The following RGS7BP variants were observed in gnomAD, a reference collection of about 807,000 sequenced individuals.
The protein encoded by RGS7BP is regulator of G protein signaling 7-binding protein.
In RGS7BP, 9 loss-of-function variants were observed where a neutral mutation model predicts 31.3. That is an observed-to-expected ratio of 0.29 (90% CI 0.17 to 0.50). The LOEUF (loss-of-function observed/expected upper bound fraction) is 0.50, where lower values mean the gene tolerates loss of function less well. Ranked by LOEUF, RGS7BP falls within the 20% of genes least tolerant of loss-of-function variation. The pLI is 0.98. For missense variants in RGS7BP, 274 were observed against 322.0 expected (o/e 0.85, Z 1.14); for synonymous variants, 115 against 120.1 (o/e 0.96, Z 0.28).
chr5:64,551,302 T>TCCC (rs2111836538), intron 2 of RGS7BP, among the ~76,000 whole-genome samples: 1 of 150,734 alleles, frequency 6.6e-6, no homozygotes, highest in African/African-American at 2.5e-5. Context: ...TCACTCTGTC[T>TCCC]CCCAGCCTGG....
At chr5:64,606,029 T>TGCTATATATATGTATATCTGGATAC (rs1743351639) in intron 5 of RGS7BP, among the ~76,000 whole-genome samples, 8 of 142,812 alleles carry the variant, frequency 5.6e-5, no homozygotes, top group Admixed American at 1.4e-4. Context: ...TACATATATA[T>TGCTATATATATGTATATCTGGATAC]ATATATATAT....
chr5:64,533,154 C>T (rs1439349537), intron 2 of RGS7BP, among the ~76,000 whole-genome samples: 1 of 152,152 alleles, frequency 6.6e-6, no homozygotes, highest in Non-Finnish European at 1.5e-5. Context: ...TAGGTAGTCC[C>T]TTCATTTCTT....
intron 3 of RGS7BP, 111 bp from the exon 4 acceptor site, chr5:64,594,599 G>A: frequency 1.1e-6 from 1 of 939,446 alleles, no homozygotes; most frequent in African/African-American, 1.6e-5. Context: ...TAGGGTTAAT[G>A]GAACATTTGA....
At chr5:64,534,450 T>G (rs1749454609) in intron 2 of RGS7BP, among the ~76,000 whole-genome samples, 1 of 152,164 alleles carries the variant, frequency 6.6e-6, no homozygotes, top group Non-Finnish European at 1.5e-5. Flanking sequence ...ATTCGTCCCT[T>G]GGGTAATAGT....
rs150823317 is a variant in RGS7BP, at chr5:64,568,908, G to A, written c.333-6866G>A. Among the ~76,000 whole-genome samples the A allele has an allele frequency of 1.9e-3, 283 of 145,386 alleles. 3 individuals carry two copies. Among genetic ancestry groups the A allele is most frequent in the African/African-American group, 6.8e-3 (271 of 39,834 alleles). On this transcript the variant is annotated intron_variant, in intron 2 of 5. Transcript: ENST00000334025. ...ATCAACTCTCCCAACCGGGTCATGGGAAATGGCAAAGGTGCTGGTCGAAGG... is the reference window on the plus strand; with the variant it reads ...ATCAACTCTCCCAACCGGGTCATGGAAAATGGCAAAGGTGCTGGTCGAAGG...
At chr5:64,548,465 T>C (rs544410300) in intron 2 of RGS7BP, among the ~76,000 whole-genome samples, 5 of 152,140 alleles carry the variant, frequency 3.3e-5, no homozygotes, top group Admixed American at 2.0e-4. Flanking sequence ...GAAACATAAA[T>C]TCAAGATTTG....
chr5:64,575,648 C>T, intron 2 of RGS7BP, 126 bp from the exon 3 acceptor site: 1 of 1,394,280 alleles, frequency 7.2e-7, no homozygotes, highest in Non-Finnish European at 9.3e-7. Context: ...GCAGGAAGTC[C>T]TATATTTTAG....
chr5:64,536,477 A>G (rs183998086), intron 2 of RGS7BP, among the ~76,000 whole-genome samples: 285 of 152,318 alleles, frequency 1.9e-3, no homozygotes, highest in African/African-American at 6.6e-3. Flanking sequence ...AGTAACAGTA[A>G]TAGTTGTTCT....
chr5:64,604,951 C>T (rs1743315932), intron 5 of RGS7BP, among the ~76,000 whole-genome samples: 1 of 152,032 alleles, frequency 6.6e-6, no homozygotes, highest in Admixed American at 6.6e-5. Context: ...GGGAGTATTG[C>T]TTGAGGCCAA....
At chr5:64,514,379 A>G (rs1748918108) in intron 2 of RGS7BP, among the ~76,000 whole-genome samples, 1 of 152,178 alleles carries the variant, frequency 6.6e-6, no homozygotes, top group African/African-American at 2.4e-5. Context: ...TCCTTGACCT[A>G]TCTGCAGCTA....
intron 5 of RGS7BP, among the ~76,000 whole-genome samples, chr5:64,599,580 T>G (rs917170404): frequency 3.3e-5 from 5 of 152,192 alleles, no homozygotes; most frequent in Non-Finnish European, 7.4e-5. Flanking sequence ...GCACATCAGA[T>G]AGCTCAGAAC....
intron 2 of RGS7BP, among the ~76,000 whole-genome samples, chr5:64,563,397 A>G (rs1742098401): frequency 6.6e-6 from 1 of 152,116 alleles, no homozygotes; most frequent in Non-Finnish European, 1.5e-5. Flanking sequence ...GTCATTGCTG[A>G]TATAATTTGT....
Position 64,506,567 on chromosome 5 carries a change from G to A in RGS7BP, c.-58G>A, listed in dbSNP as rs16892765. 4.0e-6 allele frequency: 6 copies of A among 1,510,170 alleles called. No individual in the cohort carries two copies. Among genetic ancestry groups the A allele is most frequent in the Non-Finnish European group, 4.5e-6 (5 of 1,113,614 alleles). The allele number at this position is 1,510,170 out of a possible 1,614,324, so 93.5% of individuals were successfully genotyped here. A position where few individuals can be genotyped will look rare whatever the true frequency, so the allele number is the denominator to read the frequency against. On this transcript the variant is annotated 5_prime_UTR_variant, in exon 1 of 6. Coordinates refer to ENST00000334025, the MANE Select transcript of RGS7BP (RefSeq NM_001029875.3). The surrounding 1 kb of genome is among the most constrained non-coding windows in gnomAD (Gnocchi z 4.6). Reference sequence around the variant, plus strand: ...GGCGGCGGCGCCCAGGGCAACAACCGGGCCGCCCGCGCCGGGGCGCACTGC... The same window carrying A: ...GGCGGCGGCGCCCAGGGCAACAACCAGGCCGCCCGCGCCGGGGCGCACTGC...
intron 5 of RGS7BP, among the ~76,000 whole-genome samples, chr5:64,601,112 C>G (rs1049197170): frequency 6.6e-6 from 1 of 152,086 alleles, no homozygotes; most frequent in African/African-American, 2.4e-5. Context: ...ACCTTATTGT[C>G]AAAACATGAT....
At chr5:64,529,403 C>T (rs1430472959) in intron 2 of RGS7BP, among the ~76,000 whole-genome samples, 1 of 152,084 alleles carries the variant, frequency 6.6e-6, no homozygotes, top group Non-Finnish European at 1.5e-5. Context: ...GGCTCAAGAT[C>T]CAAGAGAACC....
chr5:64,596,606 G>T (rs1022954776), intron 4 of RGS7BP, among the ~76,000 whole-genome samples: 2 of 152,114 alleles, frequency 1.3e-5, no homozygotes, highest in African/African-American at 4.8e-5. Flanking sequence ...CACTTGTGGA[G>T]GTGGGGCCAC....
intron 2 of RGS7BP, among the ~76,000 whole-genome samples, chr5:64,562,569 C>G (rs1408514958): frequency 6.6e-6 from 1 of 152,090 alleles, no homozygotes; most frequent in African/African-American, 2.4e-5. Context: ...GCCTTCATGT[C>G]AATATTCTTT....
rs905198351 is a variant in RGS7BP at position 64,609,297 on chromosome 5, A to G, written c.*45A>G. ...CACTGAGAACATCTGAAAAAAAATC[A>G]CAAAACCCGAGGACCTCCAGACAGC... On this transcript the variant is annotated 3_prime_UTR_variant, in exon 6 of 6. Transcript: ENST00000334025. 2 of 1,146,808 alleles carry G rather than the reference A, an allele frequency of 1.7e-6. No individual in the cohort carries two copies. Among genetic ancestry groups the G allele is most frequent in the Non-Finnish European group, 2.7e-6 (2 of 753,772 alleles). 71.0% of individuals were successfully genotyped at this position (1,146,808 alleles called of 1,614,324 possible).
At chr5:64,533,524 G>C (rs1450963158) in intron 2 of RGS7BP, among the ~76,000 whole-genome samples, 2 of 152,120 alleles carry the variant, frequency 1.3e-5, no homozygotes, top group African/African-American at 4.8e-5. Context: ...GGACCACCTG[G>C]GGGGTGGGAT....
Sources: allele counts gnomAD v4.1 joint callset (sites outside exome capture counted in the v4.1 genomes callset), GRCh38; gene constraint gnomAD v4.1.1; non-coding constraint Gnocchi (gnomAD v3.1); transcripts MANE v1.5; gene names NCBI Gene and HGNC (gene_info 2026-07-23, HGNC 2026-07-21).